PRR5: variants seen among roughly 807,000 people sequenced by gnomAD.
PRR5 encodes proline-rich protein 5.
A neutral mutation model predicts 30.6 loss-of-function variants in PRR5; 25 were observed. That is an observed-to-expected ratio of 0.82 (90% confidence interval 0.60 to 1.14). The LOEUF is 1.14. Among genes scored for constraint, PRR5 ranks in the 50% most tolerant of loss-of-function variants. The pLI is 0.00. For missense variants in PRR5, 600 were observed against 547.1 expected (o/e 1.10, Z -0.96); for synonymous variants, 286 against 247.1 (o/e 1.16, Z -1.48).
chr22:44,733,009 ACACGTG>A (rs1193055686), intron 6 of PRR5, among the ~76,000 whole-genome samples: 3 of 99,366 alleles, frequency 3.0e-5, no homozygotes, highest in Non-Finnish European at 8.4e-5. Context: ...CACATACTAC[ACACGTG>A]CACATGCACA....
chr22:44,714,982 C>T (rs1398530481), intron 2 of PRR5, among the ~76,000 whole-genome samples: 8 of 152,216 alleles, frequency 5.3e-5, no homozygotes, highest in Admixed American at 3.9e-4. Context: ...CTGGAGATGA[C>T]GCTGACGGCC....
chr22:44,725,271 C>G lies in PRR5; in HGVS notation c.243C>G (p.Ser81=), dbSNP rs1005448081. Reference sequence around the variant, plus strand: ...AGCTGTTGAAGACAGAGCTGGGGTCCTTCTTCACGGAGTACCTGCAGGTAG... The same window carrying G: ...AGCTGTTGAAGACAGAGCTGGGGTCGTTCTTCACGGAGTACCTGCAGGTAG... ...VRQLLKTELG[S]FFTEYLQNQL... is the part of the protein sequence containing the mutation. The change falls in exon 3 of 8, where the codon TCC becomes TCG. Residue 81 remains serine (S), a synonymous_variant. Transcript: ENST00000336985. 13 of 1,613,706 alleles carry G rather than the reference C, an allele frequency of 8.1e-6. No homozygotes were observed. In the Admixed American group the frequency reaches 2.2e-4, roughly 27 times the overall value.
intron 4 of PRR5, among the ~76,000 whole-genome samples, chr22:44,728,544 G>T (rs1336938683): frequency 1.3e-5 from 2 of 152,238 alleles, no homozygotes; most frequent in African/African-American, 4.8e-5. Context: ...ATTCCACCTT[G>T]GCAGTCAGAG....
intron 3 of PRR5, among the ~76,000 whole-genome samples, chr22:44,725,955 G>A (rs1443120415): frequency 3.9e-5 from 6 of 152,200 alleles, no homozygotes; most frequent in Non-Finnish European, 5.9e-5. Context: ...GTGAGCCACC[G>A]CGCCCGACCA....
Position 44,737,546 on chromosome 22 carries a change from T to C in PRR5, c.*299T>C. The C allele has an allele frequency of 2.4e-6, 1 of 417,704 alleles. No homozygotes were observed. Among genetic ancestry groups the C allele is most frequent in the Non-Finnish European group, 4.2e-6 (1 of 238,052 alleles). The allele number at this position is 417,704 out of a possible 1,614,324, so 25.9% of individuals were successfully genotyped here. ...GCCCCAGCCCTCTGGTGTCCACACC[T>C]GCCCACAGAGAATGTAAACCCAGTG... is the stretch of plus-strand genomic sequence containing the variant. On this transcript the variant is annotated 3_prime_UTR_variant, in exon 8 of 8. Coordinates refer to ENST00000336985, the MANE Select transcript of PRR5 (RefSeq NM_181333.4).
chr22:44,732,221 C>G (rs751231727), intron 5 of PRR5, 30 bp from the exon 6 acceptor site: 2 of 1,606,854 alleles, frequency 1.2e-6, no homozygotes, highest in Non-Finnish European at 1.7e-6. Flanking sequence ...GTGACCACAG[C>G]CGGTGGGGTG....
At chr22:44,733,031 A>G (rs1346451638) in intron 6 of PRR5, among the ~76,000 whole-genome samples, 1 of 151,910 alleles carries the variant, frequency 6.6e-6, no homozygotes, top group African/African-American at 2.4e-5. Context: ...GCACATACAC[A>G]CTACACACAT....
intron 1 of PRR5, among the ~76,000 whole-genome samples, chr22:44,704,811 C>T (rs1926926963): frequency 6.6e-6 from 1 of 152,006 alleles, no homozygotes; most frequent in Non-Finnish European, 1.5e-5. Context: ...AGCCTGCGCC[C>T]CAGCTCTCCT....
chr22:44,717,717 C>CTT (rs775675392), intron 2 of PRR5, among the ~76,000 whole-genome samples: 13 of 133,646 alleles, frequency 9.7e-5, no homozygotes, highest in South Asian at 2.4e-4. Context: ...CCCTGCTTTG[C>CTT]TTTTTTTTTT....
intron 1 of PRR5, among the ~76,000 whole-genome samples, chr22:44,693,774 C>G (rs1337569805): frequency 6.7e-6 from 1 of 149,138 alleles, no homozygotes; most frequent in East Asian, 2.0e-4. Flanking sequence ...GGACTACAGG[C>G]GCCTGCCACC....
At position 44,708,440 on chromosome 22, in the gene PRR5, G is replaced by A. The variant is rs764337573; in HGVS notation, c.134+5832G>A. Among the ~76,000 whole-genome samples the A allele has an allele frequency of 5.5e-4, 84 of 152,096 alleles. 1 individual carries two copies. Among genetic ancestry groups the A allele is most frequent in the Non-Finnish European group, 5.7e-4 (39 of 68,020 alleles). ...CAAAGGCAGGGCCCTAAAGGACCTTGTCTGCACTCCCTGGTCCTGGACAGG... is the reference window on the plus strand; with the variant it reads ...CAAAGGCAGGGCCCTAAAGGACCTTATCTGCACTCCCTGGTCCTGGACAGG... On this transcript the variant is annotated intron_variant, in intron 1 of 7. Transcript: ENST00000336985.
chr22:44,688,522 C>T (rs753061770), intron 1 of PRR5, among the ~76,000 whole-genome samples: 1 of 152,140 alleles, frequency 6.6e-6, no homozygotes, highest in Non-Finnish European at 1.5e-5. Flanking sequence ...GGAGGGGGCT[C>T]AGTTTCTTCA....
chr22:44,678,515 A>G (rs1923970509), intron 1 of PRR5, among the ~76,000 whole-genome samples: 1 of 151,818 alleles, frequency 6.6e-6, no homozygotes. Context: ...GAGTTTCACC[A>G]TGTTGGCCAG....
intron 6 of PRR5, among the ~76,000 whole-genome samples, chr22:44,732,998 A>T (rs132402): frequency 2.6e-4 from 39 of 151,600 alleles, no homozygotes; most frequent in African/African-American, 9.2e-4. Context: ...ATGTGCGCGC[A>T]CACATACTAC....
intron 1 of PRR5, among the ~76,000 whole-genome samples, chr22:44,708,828 G>A (rs529129424): frequency 2.6e-5 from 4 of 152,010 alleles, no homozygotes; most frequent in Admixed American, 6.6e-5. Flanking sequence ...TTAGCCCAGC[G>A]TGGTGGTGGG....
At chr22:44,732,176 G>C in intron 5 of PRR5, 75 bp from the exon 6 acceptor site, 1 of 1,577,256 alleles carries the variant, frequency 6.3e-7, no homozygotes, top group Non-Finnish European at 8.6e-7. Context: ...CCCCTGTGGG[G>C]TCCCAGGACC....
Position 44,735,168 on chromosome 22 carries a change from G to A in PRR5, c.691+6G>A. On this transcript the variant is annotated splice_donor_region_variant and intron_variant, in intron 7 of 7. Transcript: ENST00000336985. Reference sequence around the variant, plus strand: ...CACCCATTCCTGCATCCTGGGTAGGGGTCCGCCTGGGCCTTGGGCTGGGGC... The same window carrying A: ...CACCCATTCCTGCATCCTGGGTAGGAGTCCGCCTGGGCCTTGGGCTGGGGC... 1 of 1,611,424 alleles carries A rather than the reference G, an allele frequency of 6.2e-7. No individual in the cohort carries two copies. Among genetic ancestry groups the A allele is most frequent in the Non-Finnish European group, 8.5e-7 (1 of 1,179,316 alleles).
intron 1 of PRR5, among the ~76,000 whole-genome samples, chr22:44,688,156 G>C (rs1924923184): frequency 6.6e-6 from 1 of 151,228 alleles, no homozygotes; most frequent in East Asian, 2.0e-4. Flanking sequence ...GGCTGAGGCA[G>C]GCGTATCACT....
upstream of PRR5, among the ~76,000 whole-genome samples, chr22:44,697,426 G>A (rs551842737): frequency 3.9e-5 from 6 of 152,360 alleles, no homozygotes; most frequent in Middle Eastern, 3.4e-3. Context: ...GGGACGGCCC[G>A]GATGGCAGAG....
Sources: gnomAD v4.1 joint callset for allele counts (sites outside exome capture counted in the v4.1 genomes callset) on GRCh38, gnomAD v4.1.1 for gene constraint, MANE v1.5 for transcripts, NCBI Gene and HGNC (gene_info 2026-07-23, HGNC 2026-07-21) for gene names.